Variants in NFYA observed in about 807,000 individuals in gnomAD.
NFYA encodes the protein CAAT-box DNA binding protein subunit A.
Under a neutral mutation model 52.8 loss-of-function variants are expected in NFYA, and 28 were observed. The ratio of observed to expected loss-of-function variants is 0.53; its 90% CI spans 0.39 to 0.73. NFYA has a LOEUF of 0.73. NFYA is among the 30% of genes least tolerant of loss of function. The pLI is 0.00. For synonymous variants in NFYA, 150 were observed against 150.7 expected (o/e 1.00, Z 0.03); for missense variants, 234 against 427.0 (o/e 0.55, Z 3.98).
At position 41,094,549 on chromosome 6, in the gene NFYA, G is replaced by A. The variant is rs756696494; in HGVS notation, c.990+52G>A. The A allele has an allele frequency of 3.5e-6, 5 of 1,430,388 alleles. No homozygotes were observed. In the East Asian group the frequency reaches 1.1e-4, roughly 33 times the overall value. 88.6% of individuals were successfully genotyped at this position (1,430,388 alleles called of 1,614,324 possible). A position where few individuals can be genotyped will look rare whatever the true frequency, so the allele number is the denominator to read the frequency against. ...TCTCTTTATTACCTTGTATTGACTT[G>A]AGTTGAAGCCTTCAGCAGTGTCCTC... On this transcript the variant is annotated intron_variant, in intron 9 of 9. Coordinates refer to ENST00000341376, the MANE Select transcript of NFYA (RefSeq NM_002505.5).
intron 4 of NFYA, among the ~76,000 whole-genome samples, chr6:41,084,514 C>G (rs1003119469): frequency 2.0e-5 from 3 of 151,862 alleles, no homozygotes; most frequent in African/African-American, 4.8e-5. Context: ...AATAACAAAA[C>G]GAGCAAAAAG....
Position 41,099,475 on chromosome 6 carries a change from A to G in NFYA, c.*2065A>G, listed in dbSNP as rs1030485996. 5 of 152,230 alleles carry G rather than the reference A, an allele frequency of 3.3e-5. No individual in the cohort carries two copies. Among genetic ancestry groups the G allele is most frequent in the African/African-American group, 1.2e-4 (5 of 41,464 alleles). 9.4% of individuals were successfully genotyped at this position (152,230 alleles called of 1,614,324 possible). ...GAGATGACTTTGAATTTTGTTTGAA[A>G]TGCTTCAGTTGTCATTTTGTCATTG... On this transcript the variant is annotated 3_prime_UTR_variant, in exon 10 of 10. Transcript: ENST00000341376.
chr6:41,086,219 C>A (rs1380484802), intron 4 of NFYA, among the ~76,000 whole-genome samples: 1 of 152,134 alleles, frequency 6.6e-6, no homozygotes, highest in Admixed American at 6.5e-5. Flanking sequence ...GCTTTCATTA[C>A]CAGGTCTGCC....
rs1455166901 is a variant in NFYA at position 41,101,062 on chromosome 6, C to G, written c.*3652C>G. On this transcript the variant is annotated 3_prime_UTR_variant, in exon 10 of 10. Coordinates refer to ENST00000341376, the MANE Select transcript of NFYA (RefSeq NM_002505.5). ...CGGCATGCGACGCCGCCTCTGTGGCCTGTGGAGGCCCGCTTGGCGGCGCTG... is the reference window on the plus strand; with the variant it reads ...CGGCATGCGACGCCGCCTCTGTGGCGTGTGGAGGCCCGCTTGGCGGCGCTG... 6.6e-6 allele frequency: 1 copy of G among 152,274 alleles called. No individual in the cohort carries two copies. The highest frequency in any genetic ancestry group is 1.9e-4 in the East Asian group (1 of 5,192). 9.4% of individuals were successfully genotyped at this position (152,274 alleles called of 1,614,324 possible). A position where few individuals can be genotyped will look rare whatever the true frequency, so the allele number is the denominator to read the frequency against.
Position 41,101,018 on chromosome 6 carries a change from A to C in NFYA, c.*3608A>C, listed in dbSNP as rs1244889416. ...CCCTGTTTCCGGTACCTAGGCGGGC[A>C]GCCATGGTGACCGGCGAGCGGCATG... On this transcript the variant is annotated 3_prime_UTR_variant, in exon 10 of 10. Transcript: ENST00000341376. 4 of 152,294 alleles carry C rather than the reference A, an allele frequency of 2.6e-5. No homozygotes were observed. The highest frequency in any genetic ancestry group is 3.9e-4 in the East Asian group (2 of 5,192). 9.4% of individuals were successfully genotyped at this position (152,294 alleles called of 1,614,324 possible). A position where few individuals can be genotyped will look rare whatever the true frequency, so the allele number is the denominator to read the frequency against.
rs1582041946 is a variant in NFYA, at chr6:41,099,271, A to G, written c.*1861A>G. 1 of 152,224 alleles carries G rather than the reference A, an allele frequency of 6.6e-6. No homozygotes were observed. The highest frequency in any genetic ancestry group is 2.4e-5 in the African/African-American group (1 of 41,454). 9.4% of individuals were successfully genotyped at this position (152,224 alleles called of 1,614,324 possible). A position where few individuals can be genotyped will look rare whatever the true frequency, so the allele number is the denominator to read the frequency against. On this transcript the variant is annotated 3_prime_UTR_variant, in exon 10 of 10. Transcript: ENST00000341376. ...GTTTTTCAGAGAATAGATTACTAACAATGAGGAATTTATATTCCTTGGTTA... is the reference window on the plus strand; with the variant it reads ...GTTTTTCAGAGAATAGATTACTAACGATGAGGAATTTATATTCCTTGGTTA...
intron 3 of NFYA, among the ~76,000 whole-genome samples, chr6:41,082,593 C>A (rs1039292068): frequency 5.9e-5 from 9 of 152,178 alleles, no homozygotes; most frequent in Admixed American, 6.5e-5. Context: ...GTGTTTCCTA[C>A]TTACATAGAT....
Position 41,098,971 on chromosome 6 carries a change from C to T in NFYA, c.*1561C>T, listed in dbSNP as rs1243686553. On this transcript the variant is annotated 3_prime_UTR_variant, in exon 10 of 10. Transcript: ENST00000341376. ...CCGAGGAACATTGGGGGTTAAATAC[C>T]AAGAATAAAAATTGGTTCTTCTTTG... The T allele has an allele frequency of 6.6e-6, 1 of 152,156 alleles. No individual in the cohort carries two copies. The highest frequency in any genetic ancestry group is 6.5e-5 in the Admixed American group (1 of 15,282). The allele number at this position is 152,156 out of a possible 1,614,324, so 9.4% of individuals were successfully genotyped here. A position where few individuals can be genotyped will look rare whatever the true frequency, so the allele number is the denominator to read the frequency against.
intron 6 of NFYA, 139 bp from the exon 7 acceptor site, chr6:41,091,388 CT>C: frequency 4.0e-6 from 3 of 757,812 alleles, no homozygotes; most frequent in Non-Finnish European, 6.2e-6. Flanking sequence ...TGGGAGAGTA[CT>C]TTTTCTCCCC....
In NFYA at chr6:41,079,009, T is replaced by C. The variant is rs1020007545; in HGVS notation, c.-61-20T>C. The C allele has an allele frequency of 4.7e-6, 6 of 1,284,446 alleles. No individual in the cohort carries two copies. The African/African-American group carries it at 8.8e-5, about 19-fold the overall frequency. 79.6% of individuals were successfully genotyped at this position (1,284,446 alleles called of 1,614,324 possible). On this transcript the variant is annotated intron_variant, in intron 1 of 9. Coordinates refer to ENST00000341376, the MANE Select transcript of NFYA (RefSeq NM_002505.5). ...TTATTGACAATCTCACTTTAGTTTC[T>C]TTCCCCACCTTTCTAACAGGAGTGT... is the stretch of plus-strand genomic sequence containing the variant.
chr6:41,093,843 C>G (rs1764269011), intron 8 of NFYA, among the ~76,000 whole-genome samples: 1 of 152,302 alleles, frequency 6.6e-6, no homozygotes, highest in Middle Eastern at 3.4e-3. Context: ...GTTACCTGAT[C>G]ACACCTAACA....
Position 41,094,608 on chromosome 6 carries a change from C to T in NFYA, c.990+111C>T, listed in dbSNP as rs972734649. The T allele has an allele frequency of 1.1e-4, 78 of 727,538 alleles. 1 individual carries two copies. Among genetic ancestry groups the T allele is most frequent in the Non-Finnish European group, 1.6e-4 (69 of 426,208 alleles). The allele number at this position is 727,538 out of a possible 1,614,324, so 45.1% of individuals were successfully genotyped here. On this transcript the variant is annotated intron_variant, in intron 9 of 9. Coordinates refer to ENST00000341376, the MANE Select transcript of NFYA (RefSeq NM_002505.5). ...TTCCTACTCTGGGACTACTCACATT[C>T]TCTAAACTGGATGCAATCTTATGTC...
At chr6:41,086,730 A>C (rs544157017) in intron 4 of NFYA, among the ~76,000 whole-genome samples, 2 of 152,316 alleles carry the variant, frequency 1.3e-5, no homozygotes, top group African/African-American at 4.8e-5. Flanking sequence ...AGAGACAGCC[A>C]AGAAATAGAT....
At chr6:41,082,085 T>A (rs1763925865) in intron 3 of NFYA, among the ~76,000 whole-genome samples, 1 of 152,192 alleles carries the variant, frequency 6.6e-6, no homozygotes, top group Non-Finnish European at 1.5e-5. Flanking sequence ...CAAAGTAGAA[T>A]CTAGAATGTA....
chr6:41,082,506 C>T (rs969809340), intron 3 of NFYA, among the ~76,000 whole-genome samples: 7 of 151,946 alleles, frequency 4.6e-5, no homozygotes, highest in Non-Finnish European at 8.8e-5. Flanking sequence ...ATCATGTGCA[C>T]GAATAGCACA....
At chr6:41,086,929 T>A (rs888414377) in intron 4 of NFYA, among the ~76,000 whole-genome samples, 10 of 152,170 alleles carry the variant, frequency 6.6e-5, no homozygotes, top group African/African-American at 2.4e-4. Context: ...AATATAAGAA[T>A]TTTTATGCTA....
rs1217112589 is a variant in NFYA, at chr6:41,100,235, A to G, written c.*2825A>G. Among the ~76,000 whole-genome samples the G allele has an allele frequency of 6.6e-6, 1 of 152,238 alleles. No homozygotes were observed. On this transcript the variant is annotated 3_prime_UTR_variant, in exon 10 of 10. Transcript: ENST00000341376. Reference sequence around the variant, plus strand: ...ATGCTACTACTGAAAGTGTTTATCAAAATGTGATGAAGTAATTCCATGAGG... The same window carrying G: ...ATGCTACTACTGAAAGTGTTTATCAGAATGTGATGAAGTAATTCCATGAGG...
At position 41,080,914 on chromosome 6, in the gene NFYA, T is replaced by C. The variant is rs1316304778; in HGVS notation, c.162+17T>C. On this transcript the variant is annotated intron_variant, in intron 3 of 9. Coordinates refer to ENST00000341376, the MANE Select transcript of NFYA (RefSeq NM_002505.5). The stretch of plus-strand genomic sequence containing the variant: ...CTCCAGGTAGTGGTACCCTCTCTGA[T>C]TCTCTGTGAGCACTGCATGAACTTC... 4.4e-6 allele frequency: 7 copies of C among 1,604,910 alleles called. No individual in the cohort carries two copies. Among genetic ancestry groups the C allele is most frequent in the Non-Finnish European group, 6.0e-6 (7 of 1,171,838 alleles).
chr6:41,085,172 C>A (rs1180214191), intron 4 of NFYA, among the ~76,000 whole-genome samples: 1 of 152,152 alleles, frequency 6.6e-6, no homozygotes, highest in Non-Finnish European at 1.5e-5. Flanking sequence ...ACCTCACTAT[C>A]TGTTAAATAC....
Sources: gnomAD v4.1 joint callset for allele counts (sites outside exome capture counted in the v4.1 genomes callset) on GRCh38, gnomAD v4.1.1 for gene constraint, MANE v1.5 for transcripts, NCBI Gene and HGNC (gene_info 2026-07-23, HGNC 2026-07-21) for gene names.